ZBTB20: variants seen among roughly 807,000 people sequenced by gnomAD.
ZBTB20 encodes zinc finger and BTB domain-containing protein 20.
A neutral mutation model predicts 56.9 loss-of-function variants in ZBTB20; 9 were observed. The observed-to-expected ratio is 0.16, with a 90% confidence interval of 0.10 to 0.28. ZBTB20 has a LOEUF of 0.28. Among genes scored for constraint, ZBTB20 ranks in the 10% least tolerant of loss-of-function variants. ZBTB20 has a pLI of 1.00. For synonymous variants in ZBTB20, 417 were observed against 420.7 expected (o/e 0.99, Z 0.11); for missense variants, 655 against 1,003.0 (o/e 0.65, Z 4.69).
At chr3:114,716,045 C>G (rs1181629413) in intron 5 of ZBTB20, among the ~76,000 whole-genome samples, 1 of 152,140 alleles carries the variant, frequency 6.6e-6, no homozygotes, top group Non-Finnish European at 1.5e-5. Flanking sequence ...ATGCTGTAAA[C>G]AGCCTGTACA....
At chr3:114,667,510 C>T (rs2061128507) in intron 6 of ZBTB20, among the ~76,000 whole-genome samples, 1 of 151,946 alleles carries the variant, frequency 6.6e-6, no homozygotes, top group Non-Finnish European at 1.5e-5. Context: ...GGCAGCCTAA[C>T]CTCCAGCCAA....
At chr3:114,387,083 T>C (rs1310790024) in intron 8 of ZBTB20, among the ~76,000 whole-genome samples, 1 of 152,064 alleles carries the variant, frequency 6.6e-6, no homozygotes, top group Non-Finnish European at 1.5e-5. Context: ...TTTATATATA[T>C]ATCATCTCAT....
At chr3:114,793,483 C>T (rs1474255169) in intron 5 of ZBTB20, among the ~76,000 whole-genome samples, 1 of 151,974 alleles carries the variant, frequency 6.6e-6, no homozygotes, top group Non-Finnish European at 1.5e-5. Context: ...AAGTCTAATG[C>T]TAAAGATCTT....
intron 2 of ZBTB20, among the ~76,000 whole-genome samples, chr3:114,975,168 G>A (rs2078045191): frequency 6.6e-6 from 1 of 152,100 alleles, no homozygotes; most frequent in South Asian, 2.1e-4. Flanking sequence ...TTACTTTAAA[G>A]CCAATTTGGT....
In ZBTB20 at chr3:114,333,974, T is replaced by C. The variant is rs947338161; in HGVS notation, c.*5031A>G. 6 of 152,198 alleles carry C rather than the reference T, an allele frequency of 3.9e-5. No individual in the cohort carries two copies. Among genetic ancestry groups the C allele is most frequent in the African/African-American group, 1.2e-4 (5 of 41,448 alleles). The allele number at this position is 152,198 out of a possible 1,614,324, so 9.4% of individuals were successfully genotyped here. A position where few individuals can be genotyped will look rare whatever the true frequency, so the allele number is the denominator to read the frequency against. On this transcript the variant is annotated 3_prime_UTR_variant, in exon 12 of 12. Coordinates refer to ENST00000675478, the MANE Select transcript of ZBTB20 (RefSeq NM_001348800.3). Reference sequence around the variant, plus strand: ...CAAATTAAAGAATTCTTTTAGAAGATTTCTTTTAAGAGTCAGGTCACAACA... The same window carrying C: ...CAAATTAAAGAATTCTTTTAGAAGACTTCTTTTAAGAGTCAGGTCACAACA...
intron 6 of ZBTB20, among the ~76,000 whole-genome samples, chr3:114,676,907 T>C (rs2061663391): frequency 6.6e-6 from 1 of 151,948 alleles, no homozygotes; most frequent in South Asian, 2.1e-4. Flanking sequence ...CCTGAGTAGC[T>C]GGGATTACAG....
intron 5 of ZBTB20, among the ~76,000 whole-genome samples, chr3:114,725,311 T>C (rs1401233271): frequency 1.3e-5 from 2 of 152,220 alleles, no homozygotes; most frequent in Non-Finnish European, 2.9e-5. Flanking sequence ...TAACATTATC[T>C]TCATCTCTTT....
chr3:115,036,373 C>T (rs1381537560), intron 2 of ZBTB20, among the ~76,000 whole-genome samples: 2 of 151,758 alleles, frequency 1.3e-5, no homozygotes, highest in African/African-American at 2.4e-5. Flanking sequence ...GATCTCGGCT[C>T]ACTGTAACCT....
chr3:115,070,546 C>T (rs1183963155), intron 2 of ZBTB20, among the ~76,000 whole-genome samples: 2 of 151,940 alleles, frequency 1.3e-5, no homozygotes, highest in East Asian at 3.9e-4. Flanking sequence ...TAATTATAAA[C>T]AATACTATTT....
At chr3:114,477,335 A>G (rs1162593840) in intron 7 of ZBTB20, among the ~76,000 whole-genome samples, 1 of 152,102 alleles carries the variant, frequency 6.6e-6, no homozygotes, top group African/African-American at 2.4e-5. Context: ...TCATTTAATC[A>G]TCATAAGAGT....
chr3:114,454,965 G>A (rs2091910428), intron 7 of ZBTB20: 2 of 132,968 alleles, frequency 1.5e-5, no homozygotes, highest in South Asian at 5.0e-4. Flanking sequence ...TAGAGCAAGA[G>A]ACAGAGAGAG....
chr3:114,948,531 A>G (rs2076960446), intron 3 of ZBTB20, among the ~76,000 whole-genome samples: 1 of 145,844 alleles, frequency 6.9e-6, no homozygotes, highest in Non-Finnish European at 1.5e-5. Flanking sequence ...ATTCAAAAGA[A>G]CCCACAAAGT....
chr3:114,756,722 A>T (rs992608568), intron 5 of ZBTB20, among the ~76,000 whole-genome samples: 2 of 152,166 alleles, frequency 1.3e-5, no homozygotes, highest in Non-Finnish European at 2.9e-5. Flanking sequence ...TTTTCCTCTG[A>T]GAATGATCCA....
At chr3:114,820,346 C>G (rs546683540) in intron 4 of ZBTB20, among the ~76,000 whole-genome samples, 2 of 152,002 alleles carry the variant, frequency 1.3e-5, no homozygotes, top group East Asian at 3.9e-4. Flanking sequence ...GATCACTATA[C>G]AGACTATACA....
At chr3:114,960,332 G>A (rs1053582619) in intron 3 of ZBTB20, among the ~76,000 whole-genome samples, 2 of 152,192 alleles carry the variant, frequency 1.3e-5, no homozygotes, top group Admixed American at 6.5e-5. Context: ...AATTTTGACT[G>A]TGGAATTCAA....
At chr3:114,778,596 A>G (rs1268707297) in intron 5 of ZBTB20, among the ~76,000 whole-genome samples, 1 of 152,184 alleles carries the variant, frequency 6.6e-6, no homozygotes, top group Admixed American at 6.5e-5. Flanking sequence ...ATAGATGTAG[A>G]CTACAGATAC....
chr3:114,355,786 C>T (rs549320877), intron 10 of ZBTB20, among the ~76,000 whole-genome samples: 1 of 151,740 alleles, frequency 6.6e-6, no homozygotes, highest in African/African-American at 2.4e-5. Flanking sequence ...AATGCTAACT[C>T]TATTCTTTCT....
chr3:114,622,021 T>C (rs1478025355), intron 6 of ZBTB20, among the ~76,000 whole-genome samples: 1 of 152,228 alleles, frequency 6.6e-6, no homozygotes, highest in Non-Finnish European at 1.5e-5. Context: ...GTCTTGGGAA[T>C]ACTCTTAAAT....
intron 2 of ZBTB20, among the ~76,000 whole-genome samples, chr3:114,998,924 C>T (rs759279126): frequency 6.9e-6 from 1 of 144,530 alleles, no homozygotes; most frequent in Non-Finnish European, 1.5e-5. Context: ...TAACTGAAGC[C>T]AGAAAATTGG....
Sources: allele counts gnomAD v4.1 joint callset (sites outside exome capture counted in the v4.1 genomes callset), GRCh38; gene constraint gnomAD v4.1.1; transcripts MANE v1.5; gene names NCBI Gene and HGNC (gene_info 2026-07-23, HGNC 2026-07-21).